The following TNRC6B variants were observed in gnomAD, a reference collection of about 807,000 sequenced individuals.
TNRC6B encodes the protein trinucleotide repeat containing adaptor 6B.
TNRC6B carries 52 observed loss-of-function variants against 203.6 expected under a neutral mutation model. The ratio of observed to expected loss-of-function variants is 0.26; its 90% CI spans 0.20 to 0.32. TNRC6B has a LOEUF of 0.32. Ranked by LOEUF, TNRC6B falls within the 10% of genes least tolerant of loss-of-function variation. TNRC6B has a pLI of 1.00. For missense variants in TNRC6B, 1,923 were observed against 2,286.2 expected, an observed-to-expected ratio of 0.84 and a Z score of 3.24; for synonymous variants, 838 against 845.7, an observed-to-expected ratio of 0.99 and a Z score of 0.16.
intron 1 of TNRC6B, among the ~76,000 whole-genome samples, chr22:40,211,753 G>A (rs1227976705): frequency 6.6e-6 from 1 of 152,144 alleles, no homozygotes; most frequent in Non-Finnish European, 1.5e-5. Flanking sequence ...GCAGTCCTTG[G>A]ATGGGCCAGT....
chr22:40,255,515 A>C (rs915879475), intron 3 of TNRC6B, among the ~76,000 whole-genome samples: 2 of 152,220 alleles, frequency 1.3e-5, no homozygotes, highest in Non-Finnish European at 2.9e-5. Context: ...TTGTAGAAAC[A>C]CTGTGTGTTC....
chr22:40,051,721 T>C (rs1432485533), intron 1 of TNRC6B, among the ~76,000 whole-genome samples: 1 of 152,220 alleles, frequency 6.6e-6, no homozygotes, highest in East Asian at 1.9e-4. Context: ...AGAAATAGAA[T>C]GTAAGCCACA....
chr22:40,264,675 A>G lies in TNRC6B; in HGVS notation c.458-13A>G. 1.3e-6 allele frequency: 2 copies of G among 1,558,822 alleles called. No homozygotes were observed. The highest frequency in any genetic ancestry group is 8.7e-7 in the Non-Finnish European group (1 of 1,154,254). ...ATTTGAAGCTGTGATTAATAAGATGATCTGTTCCCCAGACTCAACCCTTGG... is the reference window on the plus strand; with the variant it reads ...ATTTGAAGCTGTGATTAATAAGATGGTCTGTTCCCCAGACTCAACCCTTGG... On this transcript the variant is annotated splice_polypyrimidine_tract_variant and intron_variant, in intron 4 of 22. Transcript: ENST00000454349.
At chr22:40,212,055 G>T (rs1341440997) in intron 1 of TNRC6B, among the ~76,000 whole-genome samples, 1 of 152,210 alleles carries the variant, frequency 6.6e-6, no homozygotes, top group African/African-American at 2.4e-5. Context: ...TCACCAAGAT[G>T]AAGTTCAAAT....
chr22:40,317,849 A>G (rs568322998), intron 21 of TNRC6B, among the ~76,000 whole-genome samples: 2 of 152,328 alleles, frequency 1.3e-5, no homozygotes, highest in East Asian at 1.9e-4. Flanking sequence ...ACCTTGTTAA[A>G]AGGAGTCTGT....
At position 40,265,821 on chromosome 22, in the gene TNRC6B, C is replaced by A; in HGVS notation, c.1591C>A (p.Pro531Thr). The A allele has an allele frequency of 1.9e-6, 3 of 1,613,966 alleles. No individual in the cohort carries two copies. Among genetic ancestry groups the A allele is most frequent in the South Asian group, 1.1e-5 (1 of 91,080 alleles). Residue 531 changes from proline to threonine, a missense_variant, in exon 5 of 23, where the codon CCA (proline) becomes ACA (threonine). Physicochemically the swap from Pro to Thr is conservative, Grantham distance 38 (BLOSUM62 -1). This residue lies in a region of TNRC6B where 614 missense variants were observed against 587.7 expected (regional missense o/e 1.04). Coordinates refer to ENST00000454349, the MANE Select transcript of TNRC6B (RefSeq NM_001162501.2). ...KIGEWSGPNQPNSSTGAWDNQ... is the reference protein window; with the variant it reads ...KIGEWSGPNQTNSSTGAWDNQ... ...TGGAGAATGGAGTGGTCCAAACCAACCAAATTCTAGCACTGGAGCATGGGA... is the reference window on the plus strand; with the variant it reads ...TGGAGAATGGAGTGGTCCAAACCAAACAAATTCTAGCACTGGAGCATGGGA...
intron 1 of TNRC6B, among the ~76,000 whole-genome samples, chr22:40,193,270 G>A (rs1254282032): frequency 2.0e-5 from 3 of 152,136 alleles, no homozygotes; most frequent in South Asian, 4.1e-4. Context: ...GTTCATCAGC[G>A]TCACCCCAGG....
At chr22:40,121,021 C>T (rs1342147660) in intron 2 of TNRC6B, among the ~76,000 whole-genome samples, 1 of 152,190 alleles carries the variant, frequency 6.6e-6, no homozygotes, top group Admixed American at 6.5e-5. Flanking sequence ...GAAGTGACTT[C>T]ACCCCTGACA....
At chr22:40,097,669 TACACACACACACACACACACACACACAC>T (rs6147625) in intron 1 of TNRC6B, among the ~76,000 whole-genome samples, 1 of 135,554 alleles carries the variant, frequency 7.4e-6, no homozygotes, top group South Asian at 2.4e-4. Flanking sequence ...AGGTATATCA[TACACACACACACACACACACACACACAC>T]ACACACACAC....
rs960709264 is a variant in TNRC6B at position 40,273,392 on chromosome 22, G to A, written c.2966-33G>A. 1.2e-5 allele frequency: 18 copies of A among 1,543,240 alleles called. No individual in the cohort carries two copies. In the East Asian group the frequency reaches 4.0e-4, roughly 34 times the overall value. ...ATTCTGATGATTGTTTTATATAGCT[G>A]TTGCAAAGAGTTAATTCATTCTTTC... On this transcript the variant is annotated intron_variant, in intron 6 of 22. Transcript: ENST00000454349.
chr22:40,321,575 C>T (rs1056964024), intron 22 of TNRC6B: 1 of 209,774 alleles, frequency 4.8e-6, no homozygotes. Context: ...ATCACAAGGT[C>T]AGGAGATGGA....
In TNRC6B at chr22:40,266,294, G is replaced by A; in HGVS notation, c.2064G>A (p.Glu688=). ...GGGGGGAGCTCTCAGCCTCTACAGA[G>A]TGGAAAGACCCCAAGAACACAGGAG... ...SGWGELSAST[E]WKDPKNTGGW... is the part of the protein sequence containing the mutation. Residue 688 remains glutamate (E), a synonymous_variant, in exon 5 of 23, where the codon GAG becomes GAA. Coordinates refer to ENST00000454349, the MANE Select transcript of TNRC6B (RefSeq NM_001162501.2). The A allele has an allele frequency of 6.3e-7, 1 of 1,593,142 alleles. No homozygotes were observed. Among genetic ancestry groups the A allele is most frequent in the Non-Finnish European group, 8.6e-7 (1 of 1,169,422 alleles).
At position 40,180,298 on chromosome 22, in the gene TNRC6B, T is replaced by G. The variant is rs145463655; in HGVS notation, c.5+2158T>G. ...AAAGTTGGTCTTACTGAAGAGGAGA[T>G]AAAACCTAGGCTTTCCATGTTTTGC... On this transcript the variant is annotated intron_variant, in intron 1 of 22. Transcript: ENST00000454349. Among the ~76,000 whole-genome samples, 707 of 152,330 alleles carry G rather than the reference T, an allele frequency of 4.6e-3. 7 individuals carry two copies. Among genetic ancestry groups the G allele is most frequent in the African/African-American group, 0.016 (646 of 41,564 alleles).
At chr22:40,104,313 A>T (rs1409457990) in intron 1 of TNRC6B, among the ~76,000 whole-genome samples, 1 of 152,162 alleles carries the variant, frequency 6.6e-6, no homozygotes, top group African/African-American at 2.4e-5. Context: ...GCCTTATAAC[A>T]AGTAGACAGG....
chr22:40,313,097 C>T (rs148325791), intron 19 of TNRC6B, 100 bp downstream of exon 19: 4 of 912,788 alleles, frequency 4.4e-6, no homozygotes, highest in Non-Finnish European at 6.9e-6. Flanking sequence ...TATACTCTTA[C>T]AGAAGTTCAG....
intron 2 of TNRC6B, chr22:40,125,675 C>A: frequency 1.4e-6 from 1 of 710,526 alleles, no homozygotes; most frequent in Non-Finnish European, 2.3e-6. Context: ...TTCACAGTAT[C>A]TGTGGCCTTA....
At chr22:40,315,901 GTTTTAT>G (rs2071251406) in intron 20 of TNRC6B, 35 bp from the exon 21 acceptor site, 1 of 1,510,594 alleles carries the variant, frequency 6.6e-7, no homozygotes, top group Admixed American at 1.8e-5. Flanking sequence ...TCTTGTTTTT[GTTTTAT>G]TTCTCTTCCT....
intron 1 of TNRC6B, among the ~76,000 whole-genome samples, chr22:40,096,703 C>T (rs375950419): frequency 3.9e-4 from 59 of 152,000 alleles, no homozygotes; most frequent in African/African-American, 1.3e-3. Flanking sequence ...TATATGCCAA[C>T]GAATGTCTAT....
chr22:40,101,756 A>G (rs1246618781), intron 1 of TNRC6B, among the ~76,000 whole-genome samples: 1 of 152,210 alleles, frequency 6.6e-6, no homozygotes, highest in East Asian at 1.9e-4. Context: ...TACTCTTTGG[A>G]AAACACTTCT....
Sources: allele counts gnomAD v4.1 joint callset (sites outside exome capture counted in the v4.1 genomes callset), GRCh38; gene constraint gnomAD v4.1.1; regional missense constraint gnomAD v4.1.1; transcripts MANE v1.5; gene names NCBI Gene and HGNC (gene_info 2026-07-23, HGNC 2026-07-21).